Variants in UNC5D observed in about 807,000 individuals in gnomAD.
UNC5D encodes the protein unc-5 netrin receptor D, also known as netrin receptor UNC5D.
In UNC5D, 39 loss-of-function variants were observed where a neutral mutation model predicts 105.4. The observed-to-expected ratio is 0.37, with a 90% CI of 0.29 to 0.48. The LOEUF (loss-of-function observed/expected upper bound fraction) is 0.48. UNC5D is among the 20% of genes least tolerant of loss of function. UNC5D has a pLI of 0.98. For missense variants in UNC5D, 991 were observed against 1,202.4 expected, an observed-to-expected ratio of 0.82 and a Z score of 2.60; for synonymous variants, 452 against 450.4, an observed-to-expected ratio of 1.00 and a Z score of -0.04.
chr8:35,495,483 C>CAAAAAAAAAAAAAA (rs1442607841), intron 1 of UNC5D, among the ~76,000 whole-genome samples: 1 of 115,460 alleles, frequency 8.7e-6, no homozygotes, highest in African/African-American at 3.3e-5. Flanking sequence ...AAAAAAAAAG[C>CAAAAAAAAAAAAAA]AAAAAAATCT....
intron 1 of UNC5D, among the ~76,000 whole-genome samples, chr8:35,337,979 G>A (rs1221718718): frequency 6.6e-6 from 1 of 152,202 alleles, no homozygotes; most frequent in East Asian, 1.9e-4. Context: ...TTTGCAGAAT[G>A]CAAATGATTA....
intron 10 of UNC5D, among the ~76,000 whole-genome samples, chr8:35,728,095 A>ATATATATATATATATATATATATAT (rs1554596594): frequency 1.4e-4 from 15 of 110,248 alleles, no homozygotes; most frequent in African/African-American, 4.4e-4. Context: ...AAAAAAAAAA[A>ATATATATATATATATATATATATAT]ATATATATAT....
chr8:35,352,145 G>C (rs1297617587), intron 1 of UNC5D, among the ~76,000 whole-genome samples: 1 of 152,008 alleles, frequency 6.6e-6, no homozygotes, highest in African/African-American at 2.4e-5. Flanking sequence ...AAATATATAA[G>C]TAAAGAGGCT....
chr8:35,427,146 C>T (rs1369736674), intron 1 of UNC5D, among the ~76,000 whole-genome samples: 2 of 152,102 alleles, frequency 1.3e-5, no homozygotes, highest in Non-Finnish European at 2.9e-5. Context: ...TTCAGGGTTC[C>T]CCCCAACTAC....
chr8:35,402,888 C>A (rs947074795), intron 1 of UNC5D, among the ~76,000 whole-genome samples: 2 of 152,158 alleles, frequency 1.3e-5, no homozygotes, highest in Admixed American at 1.3e-4. Flanking sequence ...TAGGAGCTCT[C>A]CATATTCGTG....
intron 14 of UNC5D, among the ~76,000 whole-genome samples, chr8:35,763,160 A>G (rs75005828): frequency 0.038 from 5,785 of 152,010 alleles, 263 homozygotes; most frequent in African/African-American, 0.11. Flanking sequence ...GTTGAATGCT[A>G]TTGGCAGCTG....
At chr8:35,335,740 GAAATGAGAGATTGCAAT>G (rs1563323178) in intron 1 of UNC5D, among the ~76,000 whole-genome samples, 7 of 144,128 alleles carry the variant, frequency 4.9e-5, no homozygotes, top group African/African-American at 1.8e-4. Flanking sequence ...AGGATAGAAT[GAAATGAGAGATTGCAAT>G]TTTTTTTTTT....
At chr8:35,475,909 G>A (rs555660062) in intron 1 of UNC5D, among the ~76,000 whole-genome samples, 1 of 152,174 alleles carries the variant, frequency 6.6e-6, no homozygotes, top group East Asian at 1.9e-4. Flanking sequence ...GCTGGCAGAT[G>A]CTAGTGCCAT....
chr8:35,718,705 G>A (rs566723051), intron 8 of UNC5D, among the ~76,000 whole-genome samples: 8 of 152,216 alleles, frequency 5.3e-5, no homozygotes, highest in South Asian at 2.1e-4. Flanking sequence ...ACCATAGGGC[G>A]GCAGCACTGG....
chr8:35,435,668 T>C (rs534551216), intron 1 of UNC5D, among the ~76,000 whole-genome samples: 1 of 152,208 alleles, frequency 6.6e-6, no homozygotes, highest in South Asian at 2.1e-4. Flanking sequence ...AGTAAACAAA[T>C]GTAATCAACT....
Position 35,605,957 on chromosome 8 carries a change from C to T in UNC5D, c.570+10300C>T, listed in dbSNP as rs1057083563. Reference sequence around the variant, plus strand: ...AAGTACTACATAAAGTTCTCCTGTACCTTCCCCCTCAGTTTCCTTTTTTTT... The same window carrying T: ...AAGTACTACATAAAGTTCTCCTGTATCTTCCCCCTCAGTTTCCTTTTTTTT... On this transcript the variant is annotated intron_variant, in intron 4 of 16. Transcript: ENST00000404895. 7.3e-5 allele frequency among the ~76,000 whole-genome samples: 11 copies of T among 151,170 alleles called. No homozygotes were observed. In the East Asian group the frequency reaches 2.0e-3, roughly 27 times the overall value.
Position 35,792,931 on chromosome 8 carries a change from T to C in UNC5D, c.*2368T>C, listed in dbSNP as rs1469178776. 2.3e-6 allele frequency: 1 copy of C among 432,530 alleles called. No individual in the cohort carries two copies. Among genetic ancestry groups the C allele is most frequent in the South Asian group, 1.7e-5 (1 of 59,004 alleles). 26.8% of individuals were successfully genotyped at this position (432,530 alleles called of 1,614,324 possible). A position where few individuals can be genotyped will look rare whatever the true frequency, so the allele number is the denominator to read the frequency against. On this transcript the variant is annotated 3_prime_UTR_variant, in exon 17 of 17. Transcript: ENST00000404895. ...ATTATTTTAAGATGAGACAAGATTA[T>C]TGTCAATCCCTGAATGTCTGGAGTT...
chr8:35,616,170 A>G (rs955502840), intron 4 of UNC5D, among the ~76,000 whole-genome samples: 2 of 152,232 alleles, frequency 1.3e-5, no homozygotes, highest in African/African-American at 4.8e-5. Context: ...AGAGAGGTCA[A>G]GCGGCTTACT....
chr8:35,596,467 G>A (rs892947172), intron 4 of UNC5D, among the ~76,000 whole-genome samples: 22 of 152,126 alleles, frequency 1.4e-4, no homozygotes, highest in Non-Finnish European at 2.8e-4. Flanking sequence ...CGTGAAGCCC[G>A]AAAATTTGAG....
Position 35,423,159 on chromosome 8 carries a change from G to A in UNC5D, c.104-126133G>A, listed in dbSNP as rs138884370. On this transcript the variant is annotated intron_variant, in intron 1 of 16. Transcript: ENST00000404895. ...TTTATGACATGTGCATGGAGAACAG[G>A]TCTTATAGTTCAGTTGGTGAGGAGA... is the stretch of plus-strand genomic sequence containing the variant. Among the ~76,000 whole-genome samples the A allele has an allele frequency of 3.1e-3, 466 of 152,338 alleles. 6 individuals carry two copies. Among genetic ancestry groups the A allele is most frequent in the Middle Eastern group, 0.014 (4 of 294 alleles).
chr8:35,248,911 T>G (rs1242575140), intron 1 of UNC5D, among the ~76,000 whole-genome samples: 1 of 91,406 alleles, frequency 1.1e-5, no homozygotes, highest in Non-Finnish European at 1.9e-5. Flanking sequence ...ATATATTATA[T>G]ATAAACATAT....
chr8:35,322,584 C>G (rs1809832883), intron 1 of UNC5D, among the ~76,000 whole-genome samples: 2 of 152,282 alleles, frequency 1.3e-5, no homozygotes, highest in Non-Finnish European at 1.5e-5. Context: ...GTGCTTTCAG[C>G]CCTGCTCTGA....
intron 1 of UNC5D, among the ~76,000 whole-genome samples, chr8:35,413,689 C>T (rs1198161093): frequency 6.6e-6 from 1 of 152,034 alleles, no homozygotes; most frequent in East Asian, 1.9e-4. Flanking sequence ...CTACTCACTC[C>T]AAATTCCTTG....
chr8:35,679,582 G>T (rs927605840), intron 4 of UNC5D, among the ~76,000 whole-genome samples: 2 of 152,132 alleles, frequency 1.3e-5, no homozygotes, highest in African/African-American at 4.8e-5. Flanking sequence ...CCCCCATAAG[G>T]ATTTTGTTAG....
Sources: allele counts gnomAD v4.1 joint callset (sites outside exome capture counted in the v4.1 genomes callset), GRCh38; gene constraint gnomAD v4.1.1; transcripts MANE v1.5; gene names NCBI Gene and HGNC (gene_info 2026-07-23, HGNC 2026-07-21).